Variants in PTK6 observed in about 807,000 individuals in gnomAD.
PTK6 encodes protein-tyrosine kinase 6.
In PTK6, 47 loss-of-function variants were observed where a neutral mutation model predicts 47.5. The ratio of observed to expected loss-of-function variants is 0.99; its 90% confidence interval spans 0.78 to 1.26. The LOEUF is 1.26. Ranked by LOEUF, PTK6 falls within the 50% of genes most tolerant of loss-of-function variation. PTK6 has a pLI of 0.00. For missense variants in PTK6, 618 were observed against 625.3 expected (o/e 0.99, Z 0.12); for synonymous variants, 287 against 276.5 (o/e 1.04, Z -0.38).
At chr20:63,532,116 A>G (rs554446184) in intron 5 of PTK6, among the ~76,000 whole-genome samples, 30 of 148,960 alleles carry the variant, frequency 2.0e-4, no homozygotes, top group Middle Eastern at 6.8e-3. Flanking sequence ...CTTTGAGCCA[A>G]TGTGATCTGT....
chr20:63,529,585 G>T lies in PTK6; in HGVS notation c.1307C>A (p.Ala436Asp). The stretch of plus-strand genomic sequence containing the variant: ...GAAGCTGGAGAGCCTCTCCCGCAGG[G>T]CCTTGAAGCAGGGTCTCTGCTCGGG... ...RDPEQRPCFK[A>D]LRERLSSFTS... Residue 436 changes from alanine (A) to aspartate (D), a missense_variant, in exon 8 of 8, where the codon GCC (alanine) becomes GAC (aspartate). Ala to Asp is a moderately radical substitution (Grantham distance 126). Transcript: ENST00000542869. This position sits in a 1 kb window ranked among gnomAD's most constrained non-coding sequence, Gnocchi z 5.6. 6.4e-7 allele frequency: 1 copy of T among 1,574,744 alleles called. No homozygotes were observed. Among genetic ancestry groups the T allele is most frequent in the Non-Finnish European group, 8.6e-7 (1 of 1,160,108 alleles).
chr20:63,531,797 G>T lies in PTK6; in HGVS notation c.832+729C>A, dbSNP rs372506821. 3.9e-5 allele frequency among the ~76,000 whole-genome samples: 6 copies of T among 152,190 alleles called. No individual in the cohort carries two copies. The East Asian group carries it at 9.6e-4, about 24-fold the overall frequency. On this transcript the variant is annotated intron_variant, in intron 5 of 7. Coordinates refer to ENST00000542869, the MANE Select transcript of PTK6 (RefSeq NM_005975.4). ...ATGGCTGTCAGCGGCTTGCGGCCTG[G>T]TGGTGCCTGTTTTACCCCACATTCC...
Position 63,533,706 on chromosome 20 carries a change from T to C in PTK6, c.517-2A>G, listed in dbSNP as rs1360977190. ...ATGGGGCAGGGGCTCAGGCTCGTGCTGGAGGAAGAGTCGGGGACACAGGGC... is the reference window on the plus strand; with the variant it reads ...ATGGGGCAGGGGCTCAGGCTCGTGCCGGAGGAAGAGTCGGGGACACAGGGC... On this transcript the variant is annotated splice_acceptor_variant, in intron 3 of 7. Transcript: ENST00000542869. LOFTEE classifies it high-confidence loss of function. The surrounding 1 kb of genome is among the most constrained non-coding windows in gnomAD (Gnocchi z 4.0). The C allele has an allele frequency of 2.5e-6, 4 of 1,610,590 alleles. No homozygotes were observed. In the Admixed American group the frequency reaches 6.7e-5, roughly 27 times the overall value.
chr20:63,533,668 C>T lies in PTK6; in HGVS notation c.553G>A (p.Glu185Lys). ...AGCGTGAACTCCTCCCTCGGCCTCT[C>T]CCAGTCATCCCAATGGGGCAGGGGC... ...PEPLPHWDDW[E>K]RPREEFTLCR... Residue 185 changes from glutamate to lysine, a missense_variant, in exon 4 of 8, where the codon GAG (glutamate) becomes AAG (lysine). Glu to Lys is a moderately conservative substitution (Grantham distance 56). Coordinates refer to ENST00000542869, the MANE Select transcript of PTK6 (RefSeq NM_005975.4). The surrounding 1 kb of genome is among the most constrained non-coding windows in gnomAD (Gnocchi z 4.0). The T allele has an allele frequency of 6.2e-7, 1 of 1,613,794 alleles. No individual in the cohort carries two copies. The highest frequency in any genetic ancestry group is 8.5e-7 in the Non-Finnish European group (1 of 1,179,924).
At position 63,529,343 on chromosome 20, in the gene PTK6, C is replaced by T. The variant is rs2082600182; in HGVS notation, c.*193G>A. On this transcript the variant is annotated 3_prime_UTR_variant, in exon 8 of 8. Transcript: ENST00000542869. This position sits in a 1 kb window ranked among gnomAD's most constrained non-coding sequence, Gnocchi z 5.6. Reference sequence around the variant, plus strand: ...CAGGCTGCGTGTCAGCAGCTGAGACCCAAGGCACACACGATGGAGTAAGGA... The same window carrying T: ...CAGGCTGCGTGTCAGCAGCTGAGACTCAAGGCACACACGATGGAGTAAGGA... The T allele has an allele frequency of 5.0e-6, 3 of 598,510 alleles. 1 individual carries two copies. In the Admixed American group the frequency reaches 1.1e-4, roughly 23 times the overall value. 37.1% of individuals were successfully genotyped at this position (598,510 alleles called of 1,614,324 possible).
At position 63,528,029 on chromosome 20, in the gene PTK6, C is replaced by T. The variant is rs971261253; in HGVS notation, c.*1507G>A. 1 of 152,214 alleles carries T rather than the reference C, an allele frequency of 6.6e-6. No homozygotes were observed. The highest frequency in any genetic ancestry group is 6.5e-5 in the Admixed American group (1 of 15,288). 9.4% of individuals were successfully genotyped at this position (152,214 alleles called of 1,614,324 possible). A position where few individuals can be genotyped will look rare whatever the true frequency, so the allele number is the denominator to read the frequency against. On this transcript the variant is annotated 3_prime_UTR_variant, in exon 8 of 8. Coordinates refer to ENST00000542869, the MANE Select transcript of PTK6 (RefSeq NM_005975.4). Reference sequence around the variant, plus strand: ...GGATCTGATGAGAGTTTATTATATTCGTGACACGGTTGGCAAGGAAACTTG... The same window carrying T: ...GGATCTGATGAGAGTTTATTATATTTGTGACACGGTTGGCAAGGAAACTTG...
chr20:63,536,480 C>G (rs1485532242), intron 1 of PTK6, among the ~76,000 whole-genome samples: 1 of 150,948 alleles, frequency 6.6e-6, no homozygotes, highest in Non-Finnish European at 1.5e-5. Context: ...AGTGGGTGCC[C>G]AATCACTGAT....
intron 5 of PTK6, among the ~76,000 whole-genome samples, chr20:63,531,783 C>T (rs1395388167): frequency 6.6e-6 from 1 of 152,190 alleles, no homozygotes; most frequent in African/African-American, 2.4e-5. Context: ...TGGCTGTCAG[C>T]GGCTTGCGGC....
chr20:63,531,932 T>G (rs1055940754), intron 5 of PTK6, among the ~76,000 whole-genome samples: 11 of 152,236 alleles, frequency 7.2e-5, no homozygotes, highest in Non-Finnish European at 1.5e-4. Context: ...GCGTGGTGCC[T>G]CAGTGTAGCT....
intron 4 of PTK6, 86 bp from the exon 5 acceptor site, chr20:63,532,773 C>T: frequency 6.6e-7 from 1 of 1,504,178 alleles, no homozygotes; most frequent in Admixed American, 1.9e-5. Flanking sequence ...CCACACACAG[C>T]AGCCATCACA....
intron 5 of PTK6, among the ~76,000 whole-genome samples, chr20:63,531,437 AATATATATAT>A (rs748873194): frequency 1.2e-4 from 11 of 94,926 alleles, no homozygotes; most frequent in African/African-American, 6.1e-4. Flanking sequence ...AAAAAAAAAA[AATATATATAT>A]ATATATATAT....
rs310642 is a variant in PTK6, at chr20:63,530,645, A to C, written c.1014+101T>G. 0.067 allele frequency: 94,611 copies of C among 1,413,738 alleles called. 6,735 individuals carry two copies. The highest frequency in any genetic ancestry group is 0.37 in the African/African-American group (25,275 of 68,414). The allele number at this position is 1,413,738 out of a possible 1,614,324, so 87.6% of individuals were successfully genotyped here. On this transcript the variant is annotated intron_variant, in intron 6 of 7. Coordinates refer to ENST00000542869, the MANE Select transcript of PTK6 (RefSeq NM_005975.4). This position sits in a 1 kb window ranked among gnomAD's most constrained non-coding sequence, Gnocchi z 4.1. Reference sequence around the variant, plus strand: ...CTGGGCTCCCGAGGGCAGGGGCCGCATCCTGCTCCCAGCCGAGTCCCCAGC... The same window carrying C: ...CTGGGCTCCCGAGGGCAGGGGCCGCCTCCTGCTCCCAGCCGAGTCCCCAGC...
chr20:63,529,748 G>A lies in PTK6; in HGVS notation c.1169-25C>T. ...CCTGCGGCCGACAGGGATGAGAAGA[G>A]CTGGGGCCCACCTGCCTACCCTCCC... On this transcript the variant is annotated intron_variant, in intron 7 of 7. Coordinates refer to ENST00000542869, the MANE Select transcript of PTK6 (RefSeq NM_005975.4). This position sits in a 1 kb window ranked among gnomAD's most constrained non-coding sequence, Gnocchi z 5.6. 1 of 1,522,166 alleles carries A rather than the reference G, an allele frequency of 6.6e-7. No individual in the cohort carries two copies. The highest frequency in any genetic ancestry group is 8.8e-7 in the Non-Finnish European group (1 of 1,136,792). 94.3% of individuals were successfully genotyped at this position (1,522,166 alleles called of 1,614,324 possible).
At position 63,530,616 on chromosome 20, in the gene PTK6, C is replaced by A. The variant is rs982745519; in HGVS notation, c.1014+130G>T. The A allele has an allele frequency of 1.6e-5, 19 of 1,208,360 alleles. 1 individual carries two copies. In the South Asian group the frequency reaches 2.9e-4, roughly 18 times the overall value. The allele number at this position is 1,208,360 out of a possible 1,614,324, so 74.9% of individuals were successfully genotyped here. A position where few individuals can be genotyped will look rare whatever the true frequency, so the allele number is the denominator to read the frequency against. Reference sequence around the variant, plus strand: ...CACGGTGGCTTCCCACCTCCCTGCCCAGCCTGGGCTCCCGAGGGCAGGGGC... The same window carrying A: ...CACGGTGGCTTCCCACCTCCCTGCCAAGCCTGGGCTCCCGAGGGCAGGGGC... On this transcript the variant is annotated intron_variant, in intron 6 of 7. Transcript: ENST00000542869. The surrounding 1 kb of genome is among the most constrained non-coding windows in gnomAD (Gnocchi z 4.1).
At position 63,537,231 on chromosome 20, in the gene PTK6, G is replaced by A. The variant is rs779583267; in HGVS notation, c.84C>T (p.Ser28=). ...CGTGGAAGACGTCCCCCGCGCGGAA[G>A]CTCAGCTCCTCGTCCGTCCGGGACT... ...DFKSRTDEEL[S]FRAGDVFHVA... The change falls in exon 1 of 8, where the codon AGC becomes AGT. Residue 28 remains serine (S), a synonymous_variant. Transcript: ENST00000542869. 5.0e-6 allele frequency: 8 copies of A among 1,612,426 alleles called. No homozygotes were observed. The highest frequency in any genetic ancestry group is 6.8e-6 in the Non-Finnish European group (8 of 1,179,824).
rs771561966 is a variant in PTK6, at chr20:63,529,187, A to C, written c.*349T>G. ...AGCTGAACTGGGAAGAGCAGGAACA[A>C]GGCGTGTTTGCCTCCCACCCTCAGC... is the stretch of plus-strand genomic sequence containing the variant. On this transcript the variant is annotated 3_prime_UTR_variant, in exon 8 of 8. Transcript: ENST00000542869. The surrounding 1 kb of genome is among the most constrained non-coding windows in gnomAD (Gnocchi z 5.6). The C allele has an allele frequency of 2.1e-4, 41 of 199,706 alleles. No homozygotes were observed. The highest frequency in any genetic ancestry group is 3.5e-4 in the Admixed American group (6 of 16,904). The allele number at this position is 199,706 out of a possible 1,614,324, so 12.4% of individuals were successfully genotyped here. A position where few individuals can be genotyped will look rare whatever the true frequency, so the allele number is the denominator to read the frequency against.
At position 63,534,115 on chromosome 20, in the gene PTK6, CTGACCCCGCG is replaced by C. The variant is rs1230720552; in HGVS notation, c.516+27_516+36del. ...AAATGCCAGCCTGTGACCCCCCAGC[CTGACCCCGCG>C]TGACCAAGTCAGGGCGGAGCGGCTA... On this transcript the variant is annotated intron_variant, in intron 3 of 7. Coordinates refer to ENST00000542869, the MANE Select transcript of PTK6 (RefSeq NM_005975.4). 4 of 1,503,818 alleles carry C rather than the reference CTGACCCCGCG, an allele frequency of 2.7e-6. No homozygotes were observed. The Admixed American group carries it at 8.5e-5, about 32-fold the overall frequency. 93.2% of individuals were successfully genotyped at this position (1,503,818 alleles called of 1,614,324 possible). A position where few individuals can be genotyped will look rare whatever the true frequency, so the allele number is the denominator to read the frequency against.
At position 63,528,796 on chromosome 20, in the gene PTK6, G is replaced by A. The variant is rs1207233525; in HGVS notation, c.*740C>T. 1 of 152,220 alleles carries A rather than the reference G, an allele frequency of 6.6e-6. No homozygotes were observed. Among genetic ancestry groups the A allele is most frequent in the African/African-American group, 2.4e-5 (1 of 41,440 alleles). The allele number at this position is 152,220 out of a possible 1,614,324, so 9.4% of individuals were successfully genotyped here. On this transcript the variant is annotated 3_prime_UTR_variant, in exon 8 of 8. Transcript: ENST00000542869. ...TTTTATGACTTAACCATGGATGAAA[G>A]AGACACCTTCAAAATCAGGTGCAAA...
intron 5 of PTK6, among the ~76,000 whole-genome samples, chr20:63,532,129 G>C (rs991211605): frequency 2.1e-4 from 25 of 120,894 alleles, no homozygotes; most frequent in Non-Finnish European, 3.0e-4. Flanking sequence ...TGATCTGTGT[G>C]TGTCTGTGTG....
Sources: allele counts gnomAD v4.1 joint callset (sites outside exome capture counted in the v4.1 genomes callset), GRCh38; gene constraint gnomAD v4.1.1; non-coding constraint Gnocchi (gnomAD v3.1); transcripts MANE v1.5; gene names NCBI Gene and HGNC (gene_info 2026-07-23, HGNC 2026-07-21).